GLS: variants seen among roughly 807,000 people sequenced by gnomAD.
The protein encoded by GLS is glutaminase.
A neutral mutation model predicts 86.7 loss-of-function variants in GLS; 36 were observed. The observed-to-expected ratio is 0.42, with a 90% CI of 0.32 to 0.55. GLS has a LOEUF of 0.55. GLS is among the 20% of genes least tolerant of loss of function. GLS has a pLI of 0.17. For missense variants in GLS, 528 were observed against 833.4 expected, an observed-to-expected ratio of 0.63 and a Z score of 4.51; for synonymous variants, 317 against 305.9, an observed-to-expected ratio of 1.04 and a Z score of -0.38.
chr2:190,939,275 CTG>C lies in GLS; in HGVS notation c.1650+7644_1650+7645del, dbSNP rs146757193. Among the ~76,000 whole-genome samples the C allele has an allele frequency of 5.7e-3, 867 of 151,722 alleles. 19 individuals carry two copies. The highest frequency in any genetic ancestry group is 0.052 in the East Asian group (271 of 5,186). On this transcript the variant is annotated intron_variant, in intron 14 of 17. Transcript: ENST00000320717. The stretch of plus-strand genomic sequence containing the variant: ...CTGGAGTTTTAATATTTATGAAGGA[CTG>C]TGTGTATTGAGTTCTTGAAATATGT...
chr2:190,889,052 T>C (rs1008292578), intron 1 of GLS, among the ~76,000 whole-genome samples: 2 of 152,194 alleles, frequency 1.3e-5, no homozygotes, highest in African/African-American at 4.8e-5. Context: ...GATCTCACTT[T>C]AGTGTAGTGA....
At chr2:190,906,995 T>A (rs1689164301) in intron 6 of GLS, among the ~76,000 whole-genome samples, 1 of 151,182 alleles carries the variant, frequency 6.6e-6, no homozygotes, top group Admixed American at 6.6e-5. Flanking sequence ...AGTGGCATGA[T>A]CTCGGCTTAC....
intron 14 of GLS, among the ~76,000 whole-genome samples, chr2:190,944,902 A>G (rs1690541535): frequency 6.6e-6 from 1 of 152,186 alleles, no homozygotes; most frequent in African/African-American, 2.4e-5. Context: ...CCCTTCATTT[A>G]AAAAACACCT....
Position 190,896,650 on chromosome 2 carries a change from T to C in GLS, c.605+925T>C, listed in dbSNP as rs1478863633. On this transcript the variant is annotated intron_variant, in intron 3 of 17. Transcript: ENST00000320717. ...GTATAAGTATTTAACTGTGGTTCTC[T>C]GAAGTTTCCTGGCATGCTGTGAAGC... 8 of 152,372 alleles carry C rather than the reference T, an allele frequency of 5.3e-5. No homozygotes were observed. The East Asian group carries it at 1.2e-3, about 22-fold the overall frequency. 9.4% of individuals were successfully genotyped at this position (152,372 alleles called of 1,614,324 possible). A position where few individuals can be genotyped will look rare whatever the true frequency, so the allele number is the denominator to read the frequency against.
rs1466591337 is a variant in GLS at position 190,893,639 on chromosome 2, G to A, written c.387-1513G>A. On this transcript the variant is annotated intron_variant, in intron 1 of 17. Transcript: ENST00000320717. The stretch of plus-strand genomic sequence containing the variant: ...CTCGCTCTGTTACCCACTCTGGAGT[G>A]TGGTGGCACGATCTTGGCTCACTGC... Among the ~76,000 whole-genome samples the A allele has an allele frequency of 2.0e-5, 3 of 152,268 alleles. No homozygotes were observed. The South Asian group carries it at 6.2e-4, about 32-fold the overall frequency.
chr2:190,939,661 T>C (rs966214189), intron 14 of GLS, among the ~76,000 whole-genome samples: 1 of 151,764 alleles, frequency 6.6e-6, no homozygotes, highest in Non-Finnish European at 1.5e-5. Flanking sequence ...TGTGTTTATA[T>C]ATGTTTTATA....
At chr2:190,961,930 AAGAG>A (rs933401823) in intron 17 of GLS, among the ~76,000 whole-genome samples, 13 of 152,326 alleles carry the variant, frequency 8.5e-5, no homozygotes, top group African/African-American at 2.9e-4. Flanking sequence ...TGGATGAAGA[AAGAG>A]AGATCATCAG....
At position 190,938,461 on chromosome 2, in the gene GLS, A is replaced by G. The variant is rs1690337496; in HGVS notation, c.1650+6824A>G. Among the ~76,000 whole-genome samples the G allele has an allele frequency of 6.6e-6, 1 of 151,634 alleles. No individual in the cohort carries two copies. The highest frequency in any genetic ancestry group is 2.1e-4 in the South Asian group (1 of 4,828). ...TTCTTTTGTTTTTAAAACATAGTCC[A>G]ACCTTTCTAGAATTTTGATGTACTT... On this transcript the variant is annotated intron_variant, in intron 14 of 17. Transcript: ENST00000320717. The surrounding 1 kb of genome is among the most constrained non-coding windows in gnomAD (Gnocchi z 4.1).
chr2:190,923,886 A>G (rs769552258), intron 9 of GLS, 31 bp from the exon 10 acceptor site: 10 of 1,379,114 alleles, frequency 7.3e-6, no homozygotes, highest in African/African-American at 1.4e-5. Flanking sequence ...AAGAAAGTAC[A>G]TAGAGCAAAT....
chr2:190,950,924 A>G (rs371713683), intron 14 of GLS, among the ~76,000 whole-genome samples: 1 of 152,198 alleles, frequency 6.6e-6, no homozygotes, highest in Non-Finnish European at 1.5e-5. Context: ...AGCAATGTCA[A>G]GTAGGCAGAT....
chr2:190,940,907 A>G (rs913519875), intron 14 of GLS, among the ~76,000 whole-genome samples: 2 of 152,116 alleles, frequency 1.3e-5, no homozygotes, highest in Non-Finnish European at 2.9e-5. Context: ...TCTACCAAGT[A>G]AGAACTAAAA....
chr2:190,883,447 A>T (rs1688275262), intron 1 of GLS, among the ~76,000 whole-genome samples: 1 of 152,240 alleles, frequency 6.6e-6, no homozygotes, highest in Non-Finnish European at 1.5e-5. Flanking sequence ...CTCACTCAGG[A>T]CTGTGCCAGA....
chr2:190,882,877 A>G (rs1436853378), intron 1 of GLS, among the ~76,000 whole-genome samples: 1 of 152,244 alleles, frequency 6.6e-6, no homozygotes, highest in Non-Finnish European at 1.5e-5. Flanking sequence ...TTTAGGGACT[A>G]GAATGATAAT....
At chr2:190,887,024 A>G (rs1245741404) in intron 1 of GLS, among the ~76,000 whole-genome samples, 1 of 152,218 alleles carries the variant, frequency 6.6e-6, no homozygotes, top group African/African-American at 2.4e-5. Flanking sequence ...GCCTAATTAT[A>G]GAATTTGTGT....
chr2:190,948,339 T>A (rs1164242764), intron 14 of GLS, among the ~76,000 whole-genome samples: 1 of 152,202 alleles, frequency 6.6e-6, no homozygotes, highest in Non-Finnish European at 1.5e-5. Context: ...TTTCCTGATT[T>A]TTTTTTCTCA....
In GLS at chr2:190,918,505, A is replaced by T. The variant is rs545442096; in HGVS notation, c.1039-2519A>T. On this transcript the variant is annotated intron_variant, in intron 7 of 17. Coordinates refer to ENST00000320717, the MANE Select transcript of GLS (RefSeq NM_014905.5). ...CCTAAGGGAAATTGTAGCTAGTTTC[A>T]TTTTTTTTTTATCTAGACCACACAA... Among the ~76,000 whole-genome samples the T allele has an allele frequency of 1.1e-3, 162 of 148,596 alleles. 7 individuals are homozygous for T. In the South Asian group the frequency reaches 0.032, roughly 29 times the overall value.
intron 14 of GLS, chr2:190,933,360 A>T: frequency 1.1e-6 from 1 of 877,034 alleles, no homozygotes; most frequent in African/African-American, 1.8e-5. Context: ...TATTTTATTT[A>T]AAATAGCAGT....
At chr2:190,902,698 C>T (rs939357784) in intron 5 of GLS, among the ~76,000 whole-genome samples, 5 of 152,022 alleles carry the variant, frequency 3.3e-5, no homozygotes, top group African/African-American at 7.2e-5. Context: ...CAAGAATGAC[C>T]GTGTTCATTG....
chr2:190,924,561 G>T lies in GLS; in HGVS notation c.1216G>T (p.Asp406Tyr). 1 of 1,576,784 alleles carries T rather than the reference G, an allele frequency of 6.3e-7. No individual in the cohort carries two copies. Among genetic ancestry groups the T allele is most frequent in the Non-Finnish European group, 8.7e-7 (1 of 1,146,114 alleles). Residue 406 changes from aspartate (D) to tyrosine (Y), a missense_variant, in exon 11 of 18, where the codon GAC becomes TAC. Coordinates refer to ENST00000320717, the MANE Select transcript of GLS (RefSeq NM_014905.5). The surrounding 1 kb of genome is among the most constrained non-coding windows in gnomAD (Gnocchi z 5.2). ...KEKKCFPEGT[D>Y]MVGILDFYFQ... Reference sequence around the variant, plus strand: ...TTTTTAGTGTTTTCCAGAAGGCACAGACATGGTTGGTATATTAGACTTCTA... The same window carrying T: ...TTTTTAGTGTTTTCCAGAAGGCACATACATGGTTGGTATATTAGACTTCTA...
Sources: allele counts gnomAD v4.1 joint callset (sites outside exome capture counted in the v4.1 genomes callset), GRCh38; gene constraint gnomAD v4.1.1; non-coding constraint Gnocchi (gnomAD v3.1); transcripts MANE v1.5; gene names NCBI Gene and HGNC (gene_info 2026-07-23, HGNC 2026-07-21).